TMOD3: variants seen among roughly 807,000 people sequenced by gnomAD.
The protein encoded by TMOD3 is tropomodulin 3.
TMOD3 carries 20 observed loss-of-function variants against 39.2 expected under a neutral mutation model. That is an observed-to-expected ratio of 0.51 (90% CI 0.36 to 0.74). The LOEUF is 0.74. Ranked by LOEUF, TMOD3 falls within the 30% of genes least tolerant of loss-of-function variation. The pLI, the probability that TMOD3 is intolerant of heterozygous loss-of-function variation, is 0.00. For synonymous variants in TMOD3, 143 were observed against 145.8 expected (o/e 0.98, Z 0.14); for missense variants, 381 against 412.8 (o/e 0.92, Z 0.67).
At chr15:51,892,713 A>G (rs2056599882) in intron 5 of TMOD3, among the ~76,000 whole-genome samples, 1 of 152,138 alleles carries the variant, frequency 6.6e-6, no homozygotes, top group Admixed American at 6.5e-5. Context: ...CATTTAGGCT[A>G]TATTTCTTTA....
At chr15:51,852,472 G>A (rs1340580282) in intron 1 of TMOD3, among the ~76,000 whole-genome samples, 1 of 152,138 alleles carries the variant, frequency 6.6e-6, no homozygotes, top group Non-Finnish European at 1.5e-5. Flanking sequence ...AGAGATGACT[G>A]ATGAGCAGAT....
In TMOD3 at chr15:51,893,951, T is replaced by C. The variant is rs186254376; in HGVS notation, c.627+6T>C. 5.7e-3 allele frequency: 9,019 copies of C among 1,580,770 alleles called. 33 individuals are homozygous for C. The highest frequency in any genetic ancestry group is 7.2e-3 in the Non-Finnish European group (8,329 of 1,159,452). On this transcript the variant is annotated splice_donor_region_variant and intron_variant, in intron 6 of 9. Coordinates refer to ENST00000308580, the MANE Select transcript of TMOD3 (RefSeq NM_014547.5). ...TTAATTTGAATAATATAAAGGTAAG[T>C]GTGCTAATCAGAGTGGTTTTGTATT...
At chr15:51,892,484 G>A (rs2303443) in intron 5 of TMOD3, 63,646 of 151,950 alleles carry the variant, frequency 0.42, 13,659 homozygotes, top group Non-Finnish European at 0.46. Flanking sequence ...GGTAGCTGAG[G>A]TAAAGATTAG....
At position 51,914,530 on chromosome 15, in the gene TMOD3, T is replaced by C. The variant is rs1190129326; in HGVS notation, c.*5720T>C. ...AATACAAAAAATTAGTTGGGCGTGG[T>C]GATGCGCACCTGTAATTCTAGCTAC... On this transcript the variant is annotated 3_prime_UTR_variant, in exon 10 of 10. Transcript: ENST00000308580. 6.6e-6 allele frequency: 1 copy of C among 152,430 alleles called. No homozygotes were observed. The highest frequency in any genetic ancestry group is 1.5e-5 in the Non-Finnish European group (1 of 68,496). 9.4% of individuals were successfully genotyped at this position (152,430 alleles called of 1,614,324 possible).
At position 51,909,378 on chromosome 15, in the gene TMOD3, C is replaced by T. The variant is rs1389464555; in HGVS notation, c.*568C>T. 6.6e-6 allele frequency: 1 copy of T among 152,622 alleles called. No homozygotes were observed. The highest frequency in any genetic ancestry group is 1.5e-5 in the Non-Finnish European group (1 of 68,128). The allele number at this position is 152,622 out of a possible 1,614,324, so 9.5% of individuals were successfully genotyped here. A position where few individuals can be genotyped will look rare whatever the true frequency, so the allele number is the denominator to read the frequency against. Reference sequence around the variant, plus strand: ...CAGGTCTCCAGGGAGAGAGGGTGGTCGTCTGTGCATTCCAGGTTACTGCAC... The same window carrying T: ...CAGGTCTCCAGGGAGAGAGGGTGGTTGTCTGTGCATTCCAGGTTACTGCAC... On this transcript the variant is annotated 3_prime_UTR_variant, in exon 10 of 10. Transcript: ENST00000308580.
At chr15:51,845,660 G>A (rs915524915) in intron 1 of TMOD3, among the ~76,000 whole-genome samples, 8 of 152,154 alleles carry the variant, frequency 5.3e-5, no homozygotes, top group African/African-American at 1.9e-4. Context: ...AGTAAGCTGA[G>A]GTGGGAGAAT....
At position 51,896,471 on chromosome 15, in the gene TMOD3, C is replaced by A; in HGVS notation, c.680C>A (p.Thr227Lys). 6.2e-7 allele frequency: 1 copy of A among 1,613,796 alleles called. No homozygotes were observed. The highest frequency in any genetic ancestry group is 8.5e-7 in the Non-Finnish European group (1 of 1,179,750). The change falls in exon 7 of 10, where the codon ACA (threonine) becomes AAA (lysine). Residue 227 changes from threonine to lysine, a missense_variant. Transcript: ENST00000308580. ...TTTGCAAAGGCTTTGGAAACCAACA[C>A]ACATGTGAAATGTTTCAGTCTTGCA... ...KDFAKALETN[T>K]HVKCFSLAAT...
At chr15:51,832,203 T>TTATATATATATATATATGTATATA (rs2056259109) in intron 1 of TMOD3, among the ~76,000 whole-genome samples, 1 of 79,350 alleles carries the variant, frequency 1.3e-5, no homozygotes. Flanking sequence ...AGAAAAAAAA[T>TTATATATATATATATATGTATATA]TATATATATA....
chr15:51,894,485 G>T (rs1397297331), intron 6 of TMOD3, among the ~76,000 whole-genome samples: 1 of 152,040 alleles, frequency 6.6e-6, no homozygotes, highest in Non-Finnish European at 1.5e-5. Flanking sequence ...ATTTTGACAG[G>T]TGCATACAAT....
chr15:51,911,500 T>C lies in TMOD3; in HGVS notation c.*2690T>C, dbSNP rs950553427. The C allele has an allele frequency of 7.2e-5, 11 of 152,310 alleles. No individual in the cohort carries two copies. Among genetic ancestry groups the C allele is most frequent in the African/African-American group, 2.4e-4 (10 of 41,574 alleles). The allele number at this position is 152,310 out of a possible 1,614,324, so 9.4% of individuals were successfully genotyped here. A position where few individuals can be genotyped will look rare whatever the true frequency, so the allele number is the denominator to read the frequency against. ...AAAATCTGGCACCTCTTAGTAACTTTCAGTATTTCTAAATTGCTCTAAAAT... is the reference window on the plus strand; with the variant it reads ...AAAATCTGGCACCTCTTAGTAACTTCCAGTATTTCTAAATTGCTCTAAAAT... On this transcript the variant is annotated 3_prime_UTR_variant, in exon 10 of 10. Transcript: ENST00000308580.
chr15:51,843,309 T>A (rs1032708423), intron 1 of TMOD3, among the ~76,000 whole-genome samples: 2 of 152,142 alleles, frequency 1.3e-5, no homozygotes, highest in Non-Finnish European at 2.9e-5. Flanking sequence ...GAAGATGAAC[T>A]TTGGATATCT....
At chr15:51,841,281 A>G (rs1206865811) in intron 1 of TMOD3, among the ~76,000 whole-genome samples, 1 of 152,226 alleles carries the variant, frequency 6.6e-6, no homozygotes, top group Non-Finnish European at 1.5e-5. Context: ...AATGAAAGAA[A>G]TGTTTTCCTA....
chr15:51,854,207 G>A (rs2436664), intron 1 of TMOD3, among the ~76,000 whole-genome samples: 7,430 of 152,286 alleles, frequency 0.049, 420 homozygotes, highest in African/African-American at 0.12. Flanking sequence ...AGCTTTGCAA[G>A]CCATCTGGTC....
intron 1 of TMOD3, among the ~76,000 whole-genome samples, chr15:51,839,073 T>C (rs902722219): frequency 2.6e-5 from 4 of 152,078 alleles, no homozygotes; most frequent in Non-Finnish European, 5.9e-5. Flanking sequence ...AACATGCTTA[T>C]TTTGATGTCA....
At chr15:51,895,910 A>G (rs2056618475) in intron 6 of TMOD3, among the ~76,000 whole-genome samples, 1 of 152,152 alleles carries the variant, frequency 6.6e-6, no homozygotes, top group Admixed American at 6.5e-5. Flanking sequence ...GGAGTTCGGG[A>G]CCAGCCTGAC....
At chr15:51,894,273 A>G (rs1040930058) in intron 6 of TMOD3, among the ~76,000 whole-genome samples, 7 of 152,114 alleles carry the variant, frequency 4.6e-5, no homozygotes, top group African/African-American at 1.7e-4. Context: ...TTCCTTAGCC[A>G]GGTATGGTGG....
rs2056243491 is a variant in TMOD3, at chr15:51,829,713, C to G, written c.-198C>G. On this transcript the variant is annotated 5_prime_UTR_variant, in exon 1 of 10. Coordinates refer to ENST00000308580, the MANE Select transcript of TMOD3 (RefSeq NM_014547.5). ...GTGAGGGAGCTGCTGGCGGGTGGGT[C>G]TGGCAACTCTTTGGGAGGCCGACGC... The G allele has an allele frequency of 6.6e-6, 1 of 152,520 alleles. No homozygotes were observed. The highest frequency in any genetic ancestry group is 1.5e-5 in the Non-Finnish European group (1 of 68,274). 9.4% of individuals were successfully genotyped at this position (152,520 alleles called of 1,614,324 possible). A position where few individuals can be genotyped will look rare whatever the true frequency, so the allele number is the denominator to read the frequency against.
intron 5 of TMOD3, among the ~76,000 whole-genome samples, chr15:51,893,260 A>T (rs1338235441): frequency 8.0e-6 from 1 of 125,334 alleles, no homozygotes; most frequent in African/African-American, 3.1e-5. Flanking sequence ...TTGCTACTGC[A>T]CTCCAGCCTG....
chr15:51,855,853 G>T (rs889805845), intron 1 of TMOD3, among the ~76,000 whole-genome samples: 5 of 152,188 alleles, frequency 3.3e-5, no homozygotes, highest in Non-Finnish European at 2.9e-5. Context: ...CTGAGCTCCT[G>T]CTGGCACTTG....
Sources: gnomAD v4.1 joint callset for allele counts (sites outside exome capture counted in the v4.1 genomes callset) on GRCh38, gnomAD v4.1.1 for gene constraint, MANE v1.5 for transcripts, NCBI Gene and HGNC (gene_info 2026-07-23, HGNC 2026-07-21) for gene names.